ZNF354A: variants seen among roughly 807,000 people sequenced by gnomAD.
ZNF354A encodes zinc finger protein 354A.
ZNF354A carries 25 observed loss-of-function variants against 53.3 expected under a neutral mutation model. That is an observed-to-expected ratio of 0.47 (90% CI 0.34 to 0.66). ZNF354A has a LOEUF of 0.66. Among genes scored for constraint, ZNF354A ranks in the 30% least tolerant of loss-of-function variants. ZNF354A has a pLI of 0.01. For missense variants in ZNF354A, 586 were observed against 716.8 expected (o/e 0.82, Z 2.08); for synonymous variants, 228 against 249.0 (o/e 0.92, Z 0.79).
intron 4 of ZNF354A, among the ~76,000 whole-genome samples, chr5:178,724,278 G>C (rs1229197225): frequency 5.3e-5 from 8 of 151,078 alleles, no homozygotes; most frequent in Non-Finnish European, 1.2e-4. Flanking sequence ...AGGCTGGAGT[G>C]AAGTGGCGCA....
At position 178,711,737 on chromosome 5, in the gene ZNF354A, G is replaced by C. The variant is rs935527787; in HGVS notation, c.*323C>G. On this transcript the variant is annotated 3_prime_UTR_variant, in exon 5 of 5. Transcript: ENST00000335815. ...TAAAGCACACCTCCCCACCCACTCG[G>C]ATATCTGTTTCTGATGATCACGTGA... 1.2e-4 allele frequency: 23 copies of C among 198,220 alleles called. No individual in the cohort carries two copies. The highest frequency in any genetic ancestry group is 3.1e-5 in the Non-Finnish European group (3 of 96,774). The allele number at this position is 198,220 out of a possible 1,614,324, so 12.3% of individuals were successfully genotyped here.
Position 178,725,577 on chromosome 5 carries a change from T to C in ZNF354A, c.161-106A>G, listed in dbSNP as rs1198095857. The C allele has an allele frequency of 3.4e-6, 4 of 1,190,932 alleles. No individual in the cohort carries two copies. In the African/African-American group the frequency reaches 6.1e-5, roughly 18 times the overall value. The allele number at this position is 1,190,932 out of a possible 1,614,324, so 73.8% of individuals were successfully genotyped here. ...AACTCACAGGATGGTACAAAGAGCT[T>C]CTGTGTAGGGCTTCAGTTGTGCCCC... is the stretch of plus-strand genomic sequence containing the variant. On this transcript the variant is annotated intron_variant, in intron 3 of 4. Coordinates refer to ENST00000335815, the MANE Select transcript of ZNF354A (RefSeq NM_005649.3).
intron 4 of ZNF354A, among the ~76,000 whole-genome samples, chr5:178,720,559 G>A (rs1388031414): frequency 2.0e-5 from 3 of 152,202 alleles, no homozygotes; most frequent in Non-Finnish European, 4.4e-5. Context: ...ATCGCTACAA[G>A]CTAGCAAAAG....
Position 178,712,200 on chromosome 5 carries a change from T to G in ZNF354A, c.1678A>C (p.Arg560=). ...FKCNTCGKTF[R]QSSSRIAHQR... is the part of the protein sequence containing the mutation. ...TGTGCAATACGTGATGAGCTTTGTC[T>G]AAAAGTTTTTCCACATGTATTACAT... Residue 560 remains arginine (R), a synonymous_variant, in exon 5 of 5, where the codon AGA becomes CGA. Transcript: ENST00000335815. 2.5e-6 allele frequency: 4 copies of G among 1,614,170 alleles called. No individual in the cohort carries two copies. Among genetic ancestry groups the G allele is most frequent in the East Asian group, 2.2e-5 (1 of 44,862 alleles).
chr5:178,712,434 T>C lies in ZNF354A; in HGVS notation c.1444A>G (p.Ile482Val). Residue 482 changes from isoleucine (I) to valine (V), a missense_variant, in exon 5 of 5, where the codon ATT becomes GTT. This residue lies in a region of ZNF354A where 573 missense variants were observed against 680.1 expected (regional missense o/e 0.84). Coordinates refer to ENST00000335815, the MANE Select transcript of ZNF354A (RefSeq NM_005649.3). ...GKAFRQSSAL[I>V]QHQRMHTGER... is the part of the protein sequence containing the mutation. ...CCAGTATGCATTCTCTGATGTTGAA[T>C]GAGAGCTGAACTCTGTCTGAAGGCT... 3 of 1,613,994 alleles carry C rather than the reference T, an allele frequency of 1.9e-6. No homozygotes were observed. Among genetic ancestry groups the C allele is most frequent in the East Asian group, 2.2e-5 (1 of 44,870 alleles).
At chr5:178,720,283 AAG>A (rs1765788704) in intron 4 of ZNF354A, among the ~76,000 whole-genome samples, 1 of 152,234 alleles carries the variant, frequency 6.6e-6, no homozygotes, top group Non-Finnish European at 1.5e-5. Context: ...CATCATTCAA[AAG>A]AGAGACGTAG....
intron 4 of ZNF354A, among the ~76,000 whole-genome samples, chr5:178,724,545 C>T (rs1272440755): frequency 1.3e-5 from 2 of 152,088 alleles, no homozygotes; most frequent in African/African-American, 2.4e-5. Context: ...CTTTCAAACA[C>T]GATGCTTCCA....
At position 178,726,246 on chromosome 5, in the gene ZNF354A, GA is replaced by G. The variant is rs138546234; in HGVS notation, c.160+752del. On this transcript the variant is annotated intron_variant, in intron 3 of 4. Transcript: ENST00000335815. ...TATGGCCCTGTGCAAAGAATGGTGG[GA>G]AAAAAAAAGAGAAATATGTTACGGA... 9.6e-4 allele frequency: 423 copies of G among 441,836 alleles called. 5 individuals are homozygous for G. The highest frequency in any genetic ancestry group is 6.3e-3 in the South Asian group (394 of 62,876). 27.4% of individuals were successfully genotyped at this position (441,836 alleles called of 1,614,324 possible).
intron 2 of ZNF354A, 37 bp from the exon 3 acceptor site, chr5:178,727,162 C>A (rs748250079): frequency 5.7e-6 from 9 of 1,590,204 alleles, no homozygotes; most frequent in Middle Eastern, 1.7e-4. Context: ...CCCAGGACCA[C>A]CCTCACAGAG....
At chr5:178,724,585 A>C (rs1237235384) in intron 4 of ZNF354A, among the ~76,000 whole-genome samples, 1 of 152,204 alleles carries the variant, frequency 6.6e-6, no homozygotes, top group South Asian at 2.1e-4. Flanking sequence ...TTCAAATCAC[A>C]TAAGAACGTC....
chr5:178,727,177 G>A (rs1240524317), intron 2 of ZNF354A, 52 bp from the exon 3 acceptor site: 2 of 1,525,358 alleles, frequency 1.3e-6, no homozygotes, highest in African/African-American at 1.4e-5. Flanking sequence ...ACAGAGCAGA[G>A]GGGGCGGCAG....
chr5:178,723,825 C>T (rs1473210673), intron 4 of ZNF354A, among the ~76,000 whole-genome samples: 3 of 151,988 alleles, frequency 2.0e-5, no homozygotes, highest in African/African-American at 7.2e-5. Context: ...CAGTCCCCCA[C>T]TGCCACGATG....
At chr5:178,719,962 T>A (rs1268899871) in intron 4 of ZNF354A, among the ~76,000 whole-genome samples, 6 of 146,978 alleles carry the variant, frequency 4.1e-5, no homozygotes, top group African/African-American at 7.4e-5. Context: ...AAAAAAAAAA[T>A]GTCACTTGCA....
intron 4 of ZNF354A, among the ~76,000 whole-genome samples, chr5:178,723,775 T>C (rs62392842): frequency 0.22 from 33,574 of 150,952 alleles, 3,694 homozygotes; most frequent in South Asian, 0.34. Flanking sequence ...GGTTCAACCT[T>C]GATCCCCCAG....
chr5:178,729,585 C>T (rs940749160), intron 1 of ZNF354A, among the ~76,000 whole-genome samples: 2 of 151,994 alleles, frequency 1.3e-5, no homozygotes, highest in Non-Finnish European at 2.9e-5. Flanking sequence ...GAGTCTCGCT[C>T]TGTTGGCCAG....
At position 178,712,143 on chromosome 5, in the gene ZNF354A, C is replaced by G; in HGVS notation, c.1735G>C (p.Glu579Gln). The change falls in exon 5 of 5, where the codon GAA (glutamate) becomes CAA (glutamine). Residue 579 changes from glutamate to glutamine, a missense_variant. Physicochemically the swap from Glu to Gln is conservative, Grantham distance 29 (BLOSUM62 2). Transcript: ENST00000335815. ...QRIHTGEKPY[E>Q]CNTCGKLFNH... ...AAAAGTTTCCCACATGTATTACATT[C>G]ATAGGGTTTCTCTCCAGTATGAATT... is the stretch of plus-strand genomic sequence containing the variant. 1 of 1,613,988 alleles carries G rather than the reference C, an allele frequency of 6.2e-7. No homozygotes were observed.
intron 4 of ZNF354A, among the ~76,000 whole-genome samples, chr5:178,721,141 CT>C (rs549318296): frequency 9.2e-5 from 14 of 151,948 alleles, no homozygotes; most frequent in African/African-American, 2.2e-4. Context: ...TATTGATCTC[CT>C]TTTTTTTCTT....
chr5:178,721,124 C>A (rs1765804477), intron 4 of ZNF354A, among the ~76,000 whole-genome samples: 1 of 152,116 alleles, frequency 6.6e-6, no homozygotes. Context: ...TTAGAGATAA[C>A]CATTTTTATT....
At position 178,726,876 on chromosome 5, in the gene ZNF354A, G is replaced by C; in HGVS notation, c.160+123C>G. 3 of 1,399,928 alleles carry C rather than the reference G, an allele frequency of 2.1e-6. No homozygotes were observed. In the South Asian group the frequency reaches 4.4e-5, roughly 20 times the overall value. The allele number at this position is 1,399,928 out of a possible 1,614,324, so 86.7% of individuals were successfully genotyped here. A position where few individuals can be genotyped will look rare whatever the true frequency, so the allele number is the denominator to read the frequency against. On this transcript the variant is annotated intron_variant, in intron 3 of 4. Coordinates refer to ENST00000335815, the MANE Select transcript of ZNF354A (RefSeq NM_005649.3). Reference sequence around the variant, plus strand: ...TTTTAATGTTTATTTATAAAGATCTGATTTGTACAATCCTCACACACTCAG... The same window carrying C: ...TTTTAATGTTTATTTATAAAGATCTCATTTGTACAATCCTCACACACTCAG...
Sources: allele counts gnomAD v4.1 joint callset (sites outside exome capture counted in the v4.1 genomes callset), GRCh38; gene constraint gnomAD v4.1.1; regional missense constraint gnomAD v4.1.1; transcripts MANE v1.5; gene names NCBI Gene and HGNC (gene_info 2026-07-23, HGNC 2026-07-21).